MALRD1: variants seen among roughly 807,000 people sequenced by gnomAD.
The protein encoded by MALRD1 is MAM and LDL-receptor class A domain-containing protein 1.
A neutral mutation model predicts 242.1 loss-of-function variants in MALRD1; 247 were observed. The observed-to-expected ratio is 1.02, with a 90% CI of 0.92 to 1.13. MALRD1 has a LOEUF of 1.13. MALRD1 is among the 50% of genes most tolerant of loss of function. The pLI is 0.00. For missense variants in MALRD1, 2,989 were observed against 2,533.1 expected, an observed-to-expected ratio of 1.18 and a Z score of -3.86; for synonymous variants, 995 against 866.6, an observed-to-expected ratio of 1.15 and a Z score of -2.60.
chr10:19,099,538 T>C lies in MALRD1; in HGVS notation c.598-4441T>C, dbSNP rs1036147520. Among the ~76,000 whole-genome samples, 4 of 152,098 alleles carry C rather than the reference T, an allele frequency of 2.6e-5. No homozygotes were observed. The South Asian group carries it at 8.3e-4, about 31-fold the overall frequency. ...TGCCTGACTTCTGTGGTATAGGAAC[T>C]CCATGATCTCTCCTATGATCCACTT... is the stretch of plus-strand genomic sequence containing the variant. On this transcript the variant is annotated intron_variant, in intron 4 of 39. Coordinates refer to ENST00000454679, the MANE Select transcript of MALRD1 (RefSeq NM_001142308.3).
At chr10:19,570,649 C>T (rs1219855997) in intron 33 of MALRD1, among the ~76,000 whole-genome samples, 1 of 151,826 alleles carries the variant, frequency 6.6e-6, no homozygotes, top group Non-Finnish European at 1.5e-5. Flanking sequence ...ATAACCAATG[C>T]AAGATCTAAA....
chr10:19,103,887 TC>T, intron 4 of MALRD1, 91 bp from the exon 5 acceptor site: 1 of 681,432 alleles, frequency 1.5e-6, no homozygotes, highest in Non-Finnish European at 2.1e-6. Context: ...GTGACATGCT[TC>T]CTATTGCAGG....
At chr10:19,525,680 A>C (rs970918706) in intron 31 of MALRD1, among the ~76,000 whole-genome samples, 6 of 152,206 alleles carry the variant, frequency 3.9e-5, no homozygotes, top group African/African-American at 9.6e-5. Flanking sequence ...TCATAAACTT[A>C]CACAAGCAAA....
chr10:19,729,718 A>ATTTTTTTTTT (rs1347221983), intron 38 of MALRD1, among the ~76,000 whole-genome samples: 4 of 98,972 alleles, frequency 4.0e-5, no homozygotes, highest in Admixed American at 1.1e-4. Flanking sequence ...AAGTCTATTA[A>ATTTTTTTTTT]TTCTTTTTTT....
At chr10:19,401,845 A>G (rs1212889036) in intron 28 of MALRD1, among the ~76,000 whole-genome samples, 2 of 151,914 alleles carry the variant, frequency 1.3e-5, no homozygotes, top group African/African-American at 2.4e-5. Context: ...AATCAAAACA[A>G]TCTATTTGCC....
chr10:19,234,816 AG>A (rs1464451294), intron 18 of MALRD1, among the ~76,000 whole-genome samples: 1 of 152,158 alleles, frequency 6.6e-6, no homozygotes, highest in Non-Finnish European at 1.5e-5. Flanking sequence ...ACACAAGCAA[AG>A]AACTACAATA....
chr10:19,177,913 G>A (rs190648522), intron 14 of MALRD1, among the ~76,000 whole-genome samples: 1 of 152,210 alleles, frequency 6.6e-6, no homozygotes, highest in Admixed American at 6.5e-5. Flanking sequence ...TTTCAGGCAA[G>A]ATAAGCCAGA....
At chr10:19,288,065 CT>C (rs879636328) in intron 21 of MALRD1, among the ~76,000 whole-genome samples, 2 of 150,126 alleles carry the variant, frequency 1.3e-5, no homozygotes, top group East Asian at 2.0e-4. Flanking sequence ...AAGGCCGTGT[CT>C]TTTTTTTATT....
intron 21 of MALRD1, among the ~76,000 whole-genome samples, chr10:19,308,802 A>C (rs1204263945): frequency 1.3e-5 from 2 of 151,568 alleles, no homozygotes; most frequent in East Asian, 1.9e-4. Flanking sequence ...GTTTGGAACA[A>C]AAGAGCTTGC....
chr10:19,489,209 A>C (rs746146593), intron 29 of MALRD1: 5 of 472,722 alleles, frequency 1.1e-5, no homozygotes, highest in Admixed American at 2.3e-5. Context: ...GGCGAAGCCG[A>C]AAAAGGCAGC....
At chr10:19,512,936 C>T (rs966921157) in intron 31 of MALRD1, among the ~76,000 whole-genome samples, 5 of 152,028 alleles carry the variant, frequency 3.3e-5, no homozygotes, top group Non-Finnish European at 5.9e-5. Flanking sequence ...CATCTGGGTC[C>T]TCCATGGGTG....
At chr10:19,338,640 A>G (rs1389248404) in intron 24 of MALRD1, among the ~76,000 whole-genome samples, 1 of 152,016 alleles carries the variant, frequency 6.6e-6, no homozygotes, top group East Asian at 1.9e-4. Flanking sequence ...GTAGGTGTAT[A>G]TATTTATGGG....
chr10:19,204,013 G>C (rs1344627913), intron 15 of MALRD1, 133 bp downstream of exon 15: 1 of 1,155,776 alleles, frequency 8.7e-7, no homozygotes, highest in South Asian at 1.4e-5. Context: ...GTCAATTACA[G>C]TTATGCTGTC....
At chr10:19,237,774 CAT>C (rs1475100404) in intron 18 of MALRD1, among the ~76,000 whole-genome samples, 13 of 102,844 alleles carry the variant, frequency 1.3e-4, no homozygotes, top group South Asian at 8.5e-4. Context: ...TATATAAAAA[CAT>C]AATTATTTAT....
At chr10:19,060,448 T>C (rs10763854) in intron 1 of MALRD1, among the ~76,000 whole-genome samples, 45,795 of 151,968 alleles carry the variant, frequency 0.3, 7,132 homozygotes, top group African/African-American at 0.37. Flanking sequence ...TTTCTCTCTC[T>C]GGTCCCTTCC....
intron 24 of MALRD1, among the ~76,000 whole-genome samples, chr10:19,344,072 T>C (rs945219560): frequency 1.4e-4 from 22 of 152,144 alleles, no homozygotes; most frequent in African/African-American, 5.3e-4. Context: ...TTAACAGATA[T>C]GTGAATGGCA....
intron 2 of MALRD1, among the ~76,000 whole-genome samples, chr10:19,085,628 T>C (rs1315638305): frequency 2.0e-5 from 3 of 151,964 alleles, no homozygotes; most frequent in Non-Finnish European, 4.4e-5. Flanking sequence ...TATAGTGCCA[T>C]AACACATACC....
intron 29 of MALRD1, among the ~76,000 whole-genome samples, chr10:19,475,152 A>G (rs532940151): frequency 3.6e-4 from 55 of 152,338 alleles, no homozygotes; most frequent in Non-Finnish European, 7.3e-4. Flanking sequence ...GCAGTGGCTC[A>G]CGCCTGTAAT....
At chr10:19,431,476 G>A (rs2130948356) in intron 28 of MALRD1, among the ~76,000 whole-genome samples, 1 of 152,212 alleles carries the variant, frequency 6.6e-6, no homozygotes, top group South Asian at 2.1e-4. Context: ...TATGTATACA[G>A]TATAGACTTT....
Sources: allele counts gnomAD v4.1 joint callset (sites outside exome capture counted in the v4.1 genomes callset), GRCh38; gene constraint gnomAD v4.1.1; transcripts MANE v1.5; gene names NCBI Gene and HGNC (gene_info 2026-07-23, HGNC 2026-07-21).